CHMP1A: variants seen among roughly 807,000 people sequenced by gnomAD.
The protein encoded by CHMP1A is VPS46 homolog A.
A neutral mutation model predicts 27.0 loss-of-function variants in CHMP1A; 17 were observed. The ratio of observed to expected loss-of-function variants is 0.63; its 90% confidence interval spans 0.43 to 0.95. The LOEUF is 0.95. Ranked by LOEUF, CHMP1A falls within the 40% of genes least tolerant of loss-of-function variation. CHMP1A has a pLI of 0.00. For synonymous variants in CHMP1A, 131 were observed against 107.5 expected, an observed-to-expected ratio of 1.22 and a Z score of -1.35; for missense variants, 275 against 264.0, an observed-to-expected ratio of 1.04 and a Z score of -0.29.
chr16:89,654,604 G>A (rs2059849947), intron 1 of CHMP1A, among the ~76,000 whole-genome samples: 1 of 152,188 alleles, frequency 6.6e-6, no homozygotes, highest in South Asian at 2.1e-4. Flanking sequence ...AGGAGTTCCA[G>A]ACCAGCCTAG....
chr16:89,649,498 C>A lies in CHMP1A; in HGVS notation c.106-1G>T. 1 of 1,613,608 alleles carries A rather than the reference C, an allele frequency of 6.2e-7. No homozygotes were observed. The highest frequency in any genetic ancestry group is 8.5e-7 in the Non-Finnish European group (1 of 1,179,836). On this transcript the variant is annotated splice_acceptor_variant, in intron 3 of 6. Transcript: ENST00000397901. LOFTEE classifies it high-confidence loss of function. ...ACTCTACATTTTTCTGCAGAAGGGC[C>A]TGAAACCCGCGGGGGAAAGCAGCTG...
At position 89,646,222 on chromosome 16, in the gene CHMP1A, T is replaced by C. The variant is rs76686120; in HGVS notation, c.570-135A>G. 4.0e-3 allele frequency: 3,281 copies of C among 816,910 alleles called. 12 individuals are homozygous for C. Among genetic ancestry groups the C allele is most frequent in the Non-Finnish European group, 5.4e-3 (2,828 of 525,978 alleles). The allele number at this position is 816,910 out of a possible 1,614,324, so 50.6% of individuals were successfully genotyped here. A position where few individuals can be genotyped will look rare whatever the true frequency, so the allele number is the denominator to read the frequency against. On this transcript the variant is annotated intron_variant, in intron 6 of 6. Transcript: ENST00000397901. ...GAGTGACAGGCCTTGGAAACAGACATGCCCTGTCCCACTCTTACCTGATCT... is the reference window on the plus strand; with the variant it reads ...GAGTGACAGGCCTTGGAAACAGACACGCCCTGTCCCACTCTTACCTGATCT...
intron 1 of CHMP1A, among the ~76,000 whole-genome samples, chr16:89,655,314 G>A (rs2059855702): frequency 6.6e-6 from 1 of 152,122 alleles, no homozygotes; most frequent in African/African-American, 2.4e-5. Context: ...GGCCAGGCGG[G>A]CCGTCCCACC....
At position 89,657,670 on chromosome 16, in the gene CHMP1A, C is replaced by G. The variant is rs1044845036; in HGVS notation, c.-82G>C. The G allele has an allele frequency of 1.4e-4, 226 of 1,567,110 alleles. No individual in the cohort carries two copies. Among genetic ancestry groups the G allele is most frequent in the Middle Eastern group, 8.4e-4 (5 of 5,976 alleles). ...GTGTCAGGTCCCGGCGGCGATCGAACCGACCAAGCTGCACCCGGCGGGGAC... is the reference window on the plus strand; with the variant it reads ...GTGTCAGGTCCCGGCGGCGATCGAAGCGACCAAGCTGCACCCGGCGGGGAC... On this transcript the variant is annotated 5_prime_UTR_variant, in exon 1 of 7. Transcript: ENST00000397901.
chr16:89,646,523 C>T lies in CHMP1A; in HGVS notation c.569+4G>A. 2 of 1,573,244 alleles carry T rather than the reference C, an allele frequency of 1.3e-6. No homozygotes were observed. Among genetic ancestry groups the T allele is most frequent in the Non-Finnish European group, 8.6e-7 (1 of 1,159,782 alleles). On this transcript the variant is annotated splice_donor_region_variant and intron_variant, in intron 6 of 6. Transcript: ENST00000397901. ...TGACACAGCGTTTCGGGGACCGACC[C>T]TACCTCCGTGACAGCTGGTCCTCCT...
intron 3 of CHMP1A, among the ~76,000 whole-genome samples, chr16:89,650,026 G>A (rs954560742): frequency 1.3e-5 from 2 of 152,106 alleles, no homozygotes; most frequent in African/African-American, 2.4e-5. Context: ...GGGACACAGC[G>A]GGTGACACTC....
In CHMP1A at chr16:89,646,519, G is replaced by A. The variant is rs772056046; in HGVS notation, c.569+8C>T. 1.6e-5 allele frequency: 25 copies of A among 1,568,232 alleles called. No individual in the cohort carries two copies. The South Asian group carries it at 1.6e-4, about 10-fold the overall frequency. ...TTGGTGACACAGCGTTTCGGGGACCGACCCTACCTCCGTGACAGCTGGTCC... is the reference window on the plus strand; with the variant it reads ...TTGGTGACACAGCGTTTCGGGGACCAACCCTACCTCCGTGACAGCTGGTCC... On this transcript the variant is annotated splice_region_variant and intron_variant, in intron 6 of 6. Coordinates refer to ENST00000397901, the MANE Select transcript of CHMP1A (RefSeq NM_002768.5).
At chr16:89,647,564 A>AG (rs2059785878) in intron 4 of CHMP1A, among the ~76,000 whole-genome samples, 2 of 135,292 alleles carry the variant, frequency 1.5e-5, no homozygotes, top group Non-Finnish European at 3.1e-5. Context: ...GCCGACGTGG[A>AG]GACCCAGTGC....
intron 5 of CHMP1A, 42 bp downstream of exon 5, chr16:89,647,161 C>T: frequency 6.2e-7 from 1 of 1,600,352 alleles, no homozygotes; most frequent in South Asian, 1.1e-5. Flanking sequence ...CACACACGCT[C>T]CTTGTCCCCA....
intron 4 of CHMP1A, among the ~76,000 whole-genome samples, chr16:89,648,412 C>G (rs71279371): frequency 2.5e-5 from 1 of 39,856 alleles, no homozygotes; most frequent in South Asian, 8.2e-4. Context: ...GGGGACCCAG[C>G]GCGGGGTCGG....
At chr16:89,653,626 A>G (rs1172129977) in intron 2 of CHMP1A, among the ~76,000 whole-genome samples, 2 of 148,518 alleles carry the variant, frequency 1.3e-5, no homozygotes, top group East Asian at 2.0e-4. Flanking sequence ...CCGTCTCAAA[A>G]AAAAAAAAAA....
rs762596072 is a variant in CHMP1A, at chr16:89,646,091, G to C, written c.570-4C>G. The C allele has an allele frequency of 1.9e-6, 3 of 1,543,402 alleles. No individual in the cohort carries two copies. Among genetic ancestry groups the C allele is most frequent in the Admixed American group, 4.0e-5 (2 of 50,562 alleles). On this transcript the variant is annotated splice_region_variant and splice_polypyrimidine_tract_variant and intron_variant, in intron 6 of 6. Transcript: ENST00000397901. ...CTAGTTCCTCAAGGCGGCCAACCTGGAAACCAACAACAGGACTCGGGTCAG... is the reference window on the plus strand; with the variant it reads ...CTAGTTCCTCAAGGCGGCCAACCTGCAAACCAACAACAGGACTCGGGTCAG...
At chr16:89,652,421 C>T (rs2059832261) in intron 2 of CHMP1A, among the ~76,000 whole-genome samples, 1 of 151,370 alleles carries the variant, frequency 6.6e-6, no homozygotes, top group Non-Finnish European at 1.5e-5. Flanking sequence ...TAGCCCTGGC[C>T]ACCAGCACCT....
intron 1 of CHMP1A, among the ~76,000 whole-genome samples, chr16:89,654,319 T>A (rs2059847451): frequency 6.6e-6 from 1 of 152,218 alleles, no homozygotes; most frequent in Non-Finnish European, 1.5e-5. Flanking sequence ...TGGGATTCTT[T>A]CCCAATTTAA....
chr16:89,651,726 T>A (rs912211378), intron 2 of CHMP1A, 80 bp from the exon 3 acceptor site: 1 of 1,367,090 alleles, frequency 7.3e-7, no homozygotes, highest in Non-Finnish European at 1.0e-6. Flanking sequence ...CCCACACCTG[T>A]GCCCACACCT....
intron 2 of CHMP1A, among the ~76,000 whole-genome samples, chr16:89,652,005 G>A (rs965071090): frequency 3.7e-4 from 56 of 152,198 alleles, no homozygotes; most frequent in Admixed American, 2.8e-3. Flanking sequence ...GCTTTTCAAC[G>A]TCAAAGAAAG....
At position 89,645,400 on chromosome 16, in the gene CHMP1A, G is replaced by C. The variant is rs537486249; in HGVS notation, c.*666C>G. On this transcript the variant is annotated 3_prime_UTR_variant, in exon 7 of 7. Coordinates refer to ENST00000397901, the MANE Select transcript of CHMP1A (RefSeq NM_002768.5). ...TGAAGACTGCAGGGTGGGCACACTT[G>C]AATGTGGATCTGAGTGACGGTTCTG... The C allele has an allele frequency of 6.3e-6, 1 of 158,130 alleles. No individual in the cohort carries two copies. Among genetic ancestry groups the C allele is most frequent in the African/African-American group, 2.4e-5 (1 of 41,616 alleles). 9.8% of individuals were successfully genotyped at this position (158,130 alleles called of 1,614,324 possible).
At chr16:89,649,598 C>T (rs909021632) in intron 3 of CHMP1A, 101 bp from the exon 4 acceptor site, 45 of 1,420,496 alleles carry the variant, frequency 3.2e-5, no homozygotes, top group African/African-American at 4.3e-5. Flanking sequence ...TTGTTTGAGA[C>T]GGAGTCTTGC....
rs767172970 is a variant in CHMP1A, at chr16:89,646,679, C to A, written c.417G>T (p.Leu139=). 8 of 1,610,700 alleles carry A rather than the reference C, an allele frequency of 5.0e-6. No homozygotes were observed. The East Asian group carries it at 1.8e-4, about 36-fold the overall frequency. The change falls in exon 6 of 7, where the codon CTG becomes CTT. Residue 139 remains leucine, a synonymous_variant. Coordinates refer to ENST00000397901, the MANE Select transcript of CHMP1A (RefSeq NM_002768.5). Reference sequence around the variant, plus strand: ...TGTCCACCTGCTCCTGCGGCGTGGTCAGGGTGGTGGCCGAGCTCATGGAGT... The same window carrying A: ...TGTCCACCTGCTCCTGCGGCGTGGTAAGGGTGGTGGCCGAGCTCATGGAGT... ...MEDSMSSATT[L]TTPQEQVDSL...
Sources: gnomAD v4.1 joint callset for allele counts (sites outside exome capture counted in the v4.1 genomes callset) on GRCh38, gnomAD v4.1.1 for gene constraint, MANE v1.5 for transcripts, NCBI Gene and HGNC (gene_info 2026-07-23, HGNC 2026-07-21) for gene names.